KNDC1: variants seen among roughly 807,000 people sequenced by gnomAD.
KNDC1 encodes kinase non-catalytic C-lobe domain containing 1.
KNDC1 carries 106 observed loss-of-function variants against 172.8 expected under a neutral mutation model. That is an observed-to-expected ratio of 0.61 (90% confidence interval 0.52 to 0.72). The LOEUF (loss-of-function observed/expected upper bound fraction) is 0.72. Among genes scored for constraint, KNDC1 ranks in the 30% least tolerant of loss-of-function variants. The probability of loss-of-function intolerance (pLI) is 0.00; values close to 1 mark genes in which losing one functional copy is unlikely to be tolerated. For missense variants in KNDC1, 2,325 were observed against 2,394.5 expected (o/e 0.97, Z 0.61); for synonymous variants, 1,083 against 1,062.2 (o/e 1.02, Z -0.38).
chr10:133,214,641 G>T (rs1263401066), intron 26 of KNDC1, among the ~76,000 whole-genome samples: 1 of 152,222 alleles, frequency 6.6e-6, no homozygotes, highest in South Asian at 2.1e-4. Flanking sequence ...GATGCCCAGC[G>T]TCCCACCCTG....
intron 3 of KNDC1, among the ~76,000 whole-genome samples, chr10:133,177,324 TG>T (rs1320435927): frequency 2.0e-5 from 3 of 151,766 alleles, no homozygotes; most frequent in African/African-American, 7.3e-5. Flanking sequence ...GTATGTAGCG[TG>T]GTGTCATGCC....
At chr10:133,216,947 G>A (rs1383654379) in intron 26 of KNDC1, among the ~76,000 whole-genome samples, 8 of 152,254 alleles carry the variant, frequency 5.3e-5, no homozygotes, top group Non-Finnish European at 1.2e-4. Flanking sequence ...GACAGTGGAC[G>A]GCTCCACGTA....
At chr10:133,222,342 C>T (rs1272287728) in intron 29 of KNDC1, among the ~76,000 whole-genome samples, 1 of 152,122 alleles carries the variant, frequency 6.6e-6, no homozygotes, top group East Asian at 1.9e-4. Context: ...CCAAGAGTGG[C>T]ACTTGCTCTC....
At position 133,163,429 on chromosome 10, in the gene KNDC1, C is replaced by T. The variant is rs563617950; in HGVS notation, c.102+2860C>T. 2.0e-5 allele frequency among the ~76,000 whole-genome samples: 3 copies of T among 152,174 alleles called. No individual in the cohort carries two copies. The highest frequency in any genetic ancestry group is 1.9e-4 in the East Asian group (1 of 5,182). ...CTCCCAGTAAAGAAGAGGACGTCCC[C>T]GCTGCAGGGTCCATATGACATCTGT... is the stretch of plus-strand genomic sequence containing the variant. On this transcript the variant is annotated intron_variant, in intron 1 of 29. Transcript: ENST00000304613. The surrounding 1 kb of genome is among the most constrained non-coding windows in gnomAD (Gnocchi z 4.4).
At chr10:133,220,164 G>A in intron 29 of KNDC1, 52 bp downstream of exon 29, 2 of 1,476,548 alleles carry the variant, frequency 1.4e-6, no homozygotes, top group Non-Finnish European at 1.8e-6. Context: ...GGCTCAGGCG[G>A]GCGCGCGCCC....
At chr10:133,168,428 G>A in intron 3 of KNDC1, 116 bp downstream of exon 3, 2 of 1,091,500 alleles carry the variant, frequency 1.8e-6, no homozygotes, top group Non-Finnish European at 2.8e-6. Flanking sequence ...CCTCTGGCCG[G>A]GAGCGGAGCC....
In KNDC1 at chr10:133,199,130, C is replaced by T; in HGVS notation, c.2622C>T (p.Leu874=). 1 of 1,604,074 alleles carries T rather than the reference C, an allele frequency of 6.2e-7. No individual in the cohort carries two copies. Among genetic ancestry groups the T allele is most frequent in the Non-Finnish European group, 8.5e-7 (1 of 1,176,490 alleles). Residue 874 remains leucine (L), a synonymous_variant, in exon 14 of 30, where the codon CTC becomes CTT. Coordinates refer to ENST00000304613, the MANE Select transcript of KNDC1 (RefSeq NM_152643.8). ...PERPRPADRR[L]CLPCVDASPL... ...GGCCGCGGCCCGCAGACCGGAGGCT[C>T]TGTCTGCCCTGCGTGGATGCCTCGC...
At chr10:133,203,173 ACGCACAGAG>A (rs1854426812) in intron 17 of KNDC1, among the ~76,000 whole-genome samples, 1 of 69,656 alleles carries the variant, frequency 1.4e-5, no homozygotes, top group Non-Finnish European at 3.8e-5. Flanking sequence ...CGGCCCCCAA[ACGCACAGAG>A]TCCAGCGGGG....
In KNDC1 at chr10:133,186,690, T is replaced by C; in HGVS notation, c.1326+16T>C. 6.4e-7 allele frequency: 1 copy of C among 1,552,628 alleles called. No individual in the cohort carries two copies. The highest frequency in any genetic ancestry group is 8.6e-7 in the Non-Finnish European group (1 of 1,157,502). On this transcript the variant is annotated intron_variant, in intron 6 of 29. Transcript: ENST00000304613. Reference sequence around the variant, plus strand: ...CGCGGAGCAGGTGGGTGCCTGGGTCTTGTGTGTGGGTGGAGGGGTCGGCGG... The same window carrying C: ...CGCGGAGCAGGTGGGTGCCTGGGTCCTGTGTGTGGGTGGAGGGGTCGGCGG...
chr10:133,219,070 G>A lies in KNDC1; in HGVS notation c.4840G>A (p.Glu1614Lys), dbSNP rs1279105257. ...ILPAKIAEVM[E>K]ELKAVEVFLK... ...GCCTGCAAAGATAGCAGAGGTCATG[G>A]AGGAGCTGAAAGCCGTGGAGGTACC... is the stretch of plus-strand genomic sequence containing the variant. Residue 1614 changes from glutamate (E) to lysine (K), a missense_variant, in exon 28 of 30, where the codon GAG becomes AAG. By Grantham distance (56) the Glu-to-Lys change is moderately conservative. Transcript: ENST00000304613. 3 of 1,613,862 alleles carry A rather than the reference G, an allele frequency of 1.9e-6. No homozygotes were observed. The highest frequency in any genetic ancestry group is 2.5e-6 in the Non-Finnish European group (3 of 1,179,972).
chr10:133,214,916 T>A (rs1265923006), intron 26 of KNDC1, among the ~76,000 whole-genome samples: 1 of 152,092 alleles, frequency 6.6e-6, no homozygotes, highest in African/African-American at 2.4e-5. Context: ...GGCATCAGGG[T>A]CCACAGCTTC....
intron 7 of KNDC1, 142 bp from the exon 8 acceptor site, chr10:133,189,456 C>G: frequency 2.7e-6 from 2 of 746,828 alleles, no homozygotes; most frequent in Non-Finnish European, 4.5e-6. Context: ...AGGCCATGTG[C>G]GTGCACTGGC....
rs1319764542 is a variant in KNDC1 at position 133,210,657 on chromosome 10, C to G, written c.3841C>G (p.Arg1281Gly). 2 of 1,614,088 alleles carry G rather than the reference C, an allele frequency of 1.2e-6. No homozygotes were observed. Among genetic ancestry groups the G allele is most frequent in the Non-Finnish European group, 1.7e-6 (2 of 1,179,966 alleles). Residue 1281 changes from arginine (R) to glycine (G), a missense_variant, in exon 21 of 30, where the codon CGC becomes GGC. By Grantham distance (125) the Arg-to-Gly change is moderately radical. Transcript: ENST00000304613. ...TGTGCAGCAATTCCTCTACACCTTC[C>G]GCTACTTCTGCACACCCCACGACTT... ...GYVQQFLYTF[R>G]YFCTPHDFLH...
intron 4 of KNDC1, 126 bp from the exon 5 acceptor site, chr10:133,183,746 C>A: frequency 2.4e-6 from 2 of 835,080 alleles, no homozygotes; most frequent in Non-Finnish European, 3.7e-6. Flanking sequence ...ATGGGCAAGG[C>A]AGGCGCAGGC....
rs138202794 is a variant in KNDC1 at position 133,211,747 on chromosome 10, C to A, written c.4125C>A (p.Ala1375=). ...GLLEVGMDRR[A]EGNPRGTDLE... ...TGGAGGTGGGCATGGACCGGCGGGC[C>A]GAGGGCAACCCTCGCGGCACAGACC... The change falls in exon 23 of 30, where the codon GCC becomes GCA. Residue 1375 remains alanine (A), a synonymous_variant. Coordinates refer to ENST00000304613, the MANE Select transcript of KNDC1 (RefSeq NM_152643.8). 1 of 1,610,162 alleles carries A rather than the reference C, an allele frequency of 6.2e-7. No individual in the cohort carries two copies. The highest frequency in any genetic ancestry group is 8.5e-7 in the Non-Finnish European group (1 of 1,178,930).
chr10:133,186,099 A>G lies in KNDC1; in HGVS notation c.751A>G (p.Ser251Gly), dbSNP rs1452112287. ...PTPEGPESET[S>G]RGPRASPTKA... is the part of the protein sequence containing the mutation. ...CCCCGAAGGCCCGGAGTCTGAGACG[A>G]GCCGGGGCCCCAGAGCCTCCCCAAC... Residue 251 changes from serine to glycine, a missense_variant, in exon 6 of 30, where the codon AGC (serine) becomes GGC (glycine). Ser to Gly is a moderately conservative substitution (Grantham distance 56, BLOSUM62 0). Transcript: ENST00000304613. 5 of 1,597,732 alleles carry G rather than the reference A, an allele frequency of 3.1e-6. No homozygotes were observed. Among genetic ancestry groups the G allele is most frequent in the Non-Finnish European group, 3.4e-6 (4 of 1,173,146 alleles).
chr10:133,187,754 G>A (rs1853961427), intron 6 of KNDC1, among the ~76,000 whole-genome samples: 1 of 152,214 alleles, frequency 6.6e-6, no homozygotes. Context: ...CACGGTGTGT[G>A]TGTATGTGAG....
intron 24 of KNDC1, 82 bp from the exon 25 acceptor site, chr10:133,213,563 C>G: frequency 1.6e-6 from 2 of 1,238,082 alleles, no homozygotes; most frequent in Non-Finnish European, 2.4e-6. Flanking sequence ...CCAGAAAACA[C>G]CCACCCTCCC....
At chr10:133,203,564 T>C (rs1011778339) in intron 17 of KNDC1, among the ~76,000 whole-genome samples, 1 of 152,248 alleles carries the variant, frequency 6.6e-6, no homozygotes, top group African/African-American at 2.4e-5. Context: ...CCTTCAGCGC[T>C]GACCCCCACC....
Sources: allele counts gnomAD v4.1 joint callset (sites outside exome capture counted in the v4.1 genomes callset), GRCh38; gene constraint gnomAD v4.1.1; non-coding constraint Gnocchi (gnomAD v3.1); transcripts MANE v1.5; gene names NCBI Gene and HGNC (gene_info 2026-07-23, HGNC 2026-07-21).